CIITA: variants seen among roughly 807,000 people sequenced by gnomAD.
CIITA encodes the protein MHC class II transactivator.
In CIITA, 72 loss-of-function variants were observed where a neutral mutation model predicts 115.1. The ratio of observed to expected loss-of-function variants is 0.63; its 90% CI spans 0.52 to 0.76. CIITA has a LOEUF of 0.76. CIITA is among the 30% of genes least tolerant of loss of function. The pLI, the probability that CIITA is intolerant of heterozygous loss-of-function variation, is 0.00. For missense variants in CIITA, 1,617 were observed against 1,463.8 expected, an observed-to-expected ratio of 1.10 and a Z score of -1.71; for synonymous variants, 763 against 635.6, an observed-to-expected ratio of 1.20 and a Z score of -3.02.
chr16:10,878,523 TTCCTCCCTAGGGC>T, intron 1 of CIITA, among the ~76,000 whole-genome samples: 1 of 152,346 alleles, frequency 6.6e-6, no homozygotes, highest in East Asian at 1.9e-4. Flanking sequence ...GGATTTTCTC[TTCCTCCCTAGGGC>T]CAGCATCAGA....
chr16:10,902,307 T>A (rs918067536), intron 7 of CIITA, 123 bp downstream of exon 7: 1 of 1,383,144 alleles, frequency 7.2e-7, no homozygotes, highest in African/African-American at 1.4e-5. Flanking sequence ...TCAGTGTCAC[T>A]CACCTCTGCC....
chr16:10,869,497 C>A (rs1015215069), intron 1 of CIITA, among the ~76,000 whole-genome samples: 3 of 149,292 alleles, frequency 2.0e-5, no homozygotes, highest in Non-Finnish European at 3.0e-5. Flanking sequence ...CTCTGAGCCC[C>A]CTCCCCAGAT....
chr16:10,940,270 A>C (rs2041084601), downstream of CIITA: 2 of 152,268 alleles, frequency 1.3e-5, no homozygotes, highest in Admixed American at 1.3e-4. This position sits in a 1 kb window ranked among gnomAD's most constrained non-coding sequence, Gnocchi z 4.2. Context: ...TAGGTCACGA[A>C]GGCAGAGCCT....
At position 10,907,361 on chromosome 16, in the gene CIITA, C is replaced by G; in HGVS notation, c.1869C>G (p.Ala623=). The G allele has an allele frequency of 6.2e-7, 1 of 1,613,520 alleles. No homozygotes were observed. ...LCRAVCQLSE[A]LLELGEDAKL... is the part of the protein sequence containing the mutation. ...GGGCAGTGTGCCAGCTCTCAGAGGC[C>G]CTGCTGGAGCTTGGGGAGGACGCCA... is the stretch of plus-strand genomic sequence containing the variant. Residue 623 remains alanine, a synonymous_variant, in exon 11 of 20, where the codon GCC becomes GCG. Coordinates refer to ENST00000324288, the MANE Select transcript of CIITA (RefSeq NM_000246.4). The surrounding 1 kb of genome is among the most constrained non-coding windows in gnomAD (Gnocchi z 5.0).
At chr16:10,922,862 T>A (rs929703857) in intron 18 of CIITA, 1 of 494,964 alleles carries the variant, frequency 2.0e-6, no homozygotes, top group Non-Finnish European at 3.7e-6. Flanking sequence ...TAAGTCACCA[T>A]GATGTCCAAT....
In CIITA at chr16:10,907,047, C is replaced by G; in HGVS notation, c.1555C>G (p.Pro519Ala). ...GFLHSTCGPA[P>A]AEPCSLRGLL... ...CCTGCACAGCACGTGCGGACCGGCA[C>G]CGGCGGAGCCCTGCTCCCTCCGGGG... The change falls in exon 11 of 20, where the codon CCG becomes GCG. Residue 519 changes from proline to alanine, a missense_variant. Physicochemically the swap from Pro to Ala is conservative, Grantham distance 27. Coordinates refer to ENST00000324288, the MANE Select transcript of CIITA (RefSeq NM_000246.4). This position sits in a 1 kb window ranked among gnomAD's most constrained non-coding sequence, Gnocchi z 5.0. The G allele has an allele frequency of 6.2e-7, 1 of 1,607,382 alleles. No homozygotes were observed. The highest frequency in any genetic ancestry group is 8.5e-7 in the Non-Finnish European group (1 of 1,179,980).
At position 10,942,558 on chromosome 16, in the gene CIITA, C is replaced by T. The variant is rs1435214918; in HGVS notation, n.1684C>T. On this transcript the variant is annotated non_coding_transcript_exon_variant, in exon 2 of 2. Transcript: ENST00000573379. The surrounding 1 kb of genome is among the most constrained non-coding windows in gnomAD (Gnocchi z 5.0). ...CCGGCTCAACGCCCGCGCTGATTGG[C>T]TCCGGCCGCCAGGGGGCGGGTACCG... is the stretch of plus-strand genomic sequence containing the variant. 6.6e-6 allele frequency: 1 copy of T among 152,320 alleles called. No individual in the cohort carries two copies. The highest frequency in any genetic ancestry group is 1.5e-5 in the Non-Finnish European group (1 of 68,090). The allele number at this position is 152,320 out of a possible 1,614,324, so 9.4% of individuals were successfully genotyped here.
intron 16 of CIITA, among the ~76,000 whole-genome samples, chr16:10,919,129 A>T (rs1176938933): frequency 1.3e-5 from 2 of 152,182 alleles, no homozygotes; most frequent in African/African-American, 2.4e-5. Flanking sequence ...CTTACTGAGG[A>T]CAACCAGAGT....
chr16:10,921,492 T>C lies in CIITA; in HGVS notation c.3150-675T>C, dbSNP rs574541279. 3.9e-5 allele frequency among the ~76,000 whole-genome samples: 6 copies of C among 152,318 alleles called. No homozygotes were observed. In the East Asian group the frequency reaches 1.2e-3, roughly 29 times the overall value. On this transcript the variant is annotated intron_variant, in intron 16 of 19. Transcript: ENST00000324288. Reference sequence around the variant, plus strand: ...AGAACCATAGCTAACATTTAGTTCATTCTAGGCACCAAGGCATGTTCTAAA... The same window carrying C: ...AGAACCATAGCTAACATTTAGTTCACTCTAGGCACCAAGGCATGTTCTAAA...
chr16:10,940,887 C>T (rs953710895), downstream of CIITA: 7 of 152,322 alleles, frequency 4.6e-5, no homozygotes, highest in African/African-American at 1.4e-4. This position sits in a 1 kb window ranked among gnomAD's most constrained non-coding sequence, Gnocchi z 4.2. Flanking sequence ...AAAGCGAGCC[C>T]TGGCACCAGC....
intron 16 of CIITA, 123 bp downstream of exon 16, chr16:10,918,649 A>G (rs2040095174): frequency 2.5e-6 from 2 of 792,102 alleles, no homozygotes; most frequent in East Asian, 2.5e-5. Context: ...AGCCCTGAAC[A>G]AAAGGATTAG....
chr16:10,916,426 C>A lies in CIITA; in HGVS notation c.3029C>A (p.Thr1010Asn). The change falls in exon 15 of 20, where the codon ACC (threonine) becomes AAC (asparagine). Residue 1010 changes from threonine to asparagine, a missense_variant. Physicochemically the swap from Thr to Asn is moderately conservative, Grantham distance 65. Transcript: ENST00000324288. ...GAGGGTGTCTCGCAGCTCTCAGCCA[C>A]CTTCCCCCAGCTGAAGTCCTTGGAA... ...GDEGVSQLSATFPQLKSLETL... is the reference protein window; with the variant it reads ...GDEGVSQLSANFPQLKSLETL... The A allele has an allele frequency of 6.2e-7, 1 of 1,613,280 alleles. No homozygotes were observed. The highest frequency in any genetic ancestry group is 2.2e-5 in the East Asian group (1 of 44,856).
chr16:10,886,282 C>T (rs2036944461), intron 1 of CIITA, among the ~76,000 whole-genome samples: 1 of 152,088 alleles, frequency 6.6e-6, no homozygotes, highest in Non-Finnish European at 1.5e-5. Context: ...TTAGGATCTA[C>T]TTGCCTTGCT....
At chr16:10,899,223 C>T (rs1408420753) in intron 5 of CIITA, among the ~76,000 whole-genome samples, 5 of 152,176 alleles carry the variant, frequency 3.3e-5, no homozygotes, top group African/African-American at 1.2e-4. Context: ...GCCTGTATGG[C>T]CCTTCCTCCC....
chr16:10,897,054 G>A (rs1043689587), intron 3 of CIITA, among the ~76,000 whole-genome samples: 43 of 152,220 alleles, frequency 2.8e-4, no homozygotes, highest in Admixed American at 4.6e-4. Context: ...TCCCCCCTTA[G>A]TGGCATCTCC....
intron 5 of CIITA, 29 bp downstream of exon 5, chr16:10,899,031 A>AAGGATCAG: frequency 6.2e-7 from 1 of 1,610,918 alleles, no homozygotes; most frequent in Non-Finnish European, 8.5e-7. Flanking sequence ...GATCCAACCT[A>AAGGATCAG]GCCTTGCTTG....
chr16:10,925,836 T>C lies in CIITA; in HGVS notation c.*1981T>C, dbSNP rs1055579494. 5 of 152,194 alleles carry C rather than the reference T, an allele frequency of 3.3e-5. No homozygotes were observed. The highest frequency in any genetic ancestry group is 1.2e-4 in the African/African-American group (5 of 41,432). 9.4% of individuals were successfully genotyped at this position (152,194 alleles called of 1,614,324 possible). Reference sequence around the variant, plus strand: ...ATTAATTGTTTGGGGATGAGAAAGGTTGAAGCACCAAAAGCTTACCAAGGG... The same window carrying C: ...ATTAATTGTTTGGGGATGAGAAAGGCTGAAGCACCAAAAGCTTACCAAGGG... On this transcript the variant is annotated 3_prime_UTR_variant, in exon 20 of 20. Coordinates refer to ENST00000324288, the MANE Select transcript of CIITA (RefSeq NM_000246.4).
At chr16:10,894,567 G>A (rs1446561833) in intron 1 of CIITA, among the ~76,000 whole-genome samples, 1 of 152,104 alleles carries the variant, frequency 6.6e-6, no homozygotes, top group African/African-American at 2.4e-5. Context: ...GGATATTTGA[G>A]GTATCCACAT....
At chr16:10,910,913 A>T (rs2144823587) in intron 13 of CIITA, among the ~76,000 whole-genome samples, 1 of 152,318 alleles carries the variant, frequency 6.6e-6, no homozygotes, top group East Asian at 1.9e-4. Flanking sequence ...TGAAAAAGCA[A>T]CCCTACTTGC....
Sources: allele counts gnomAD v4.1 joint callset (sites outside exome capture counted in the v4.1 genomes callset), GRCh38; gene constraint gnomAD v4.1.1; non-coding constraint Gnocchi (gnomAD v3.1); transcripts MANE v1.5; gene names NCBI Gene and HGNC (gene_info 2026-07-23, HGNC 2026-07-21).